DOCK8: variants seen among roughly 807,000 people sequenced by gnomAD.
DOCK8 encodes the protein dedicator of cytokinesis 8.
A neutral mutation model predicts 245.6 loss-of-function variants in DOCK8; 141 were observed. The observed-to-expected ratio is 0.57, with a 90% CI of 0.50 to 0.66. The LOEUF (loss-of-function observed/expected upper bound fraction) is 0.66, where lower values mean the gene tolerates loss of function less well. DOCK8 is among the 30% of genes least tolerant of loss of function. The pLI is 0.00. For synonymous variants in DOCK8, 1,168 were observed against 970.2 expected (o/e 1.20, Z -3.79); for missense variants, 2,965 against 2,603.4 (o/e 1.14, Z -3.02).
At chr9:403,870 C>CTGTCTCTG (rs1194881141) in intron 26 of DOCK8, among the ~76,000 whole-genome samples, 1 of 86,612 alleles carries the variant, frequency 1.2e-5, no homozygotes, top group African/African-American at 7.6e-5. Flanking sequence ...CTCTCTCTCT[C>CTGTCTCTG]TCTCTCTCTC....
intron 1 of DOCK8, among the ~76,000 whole-genome samples, chr9:229,005 A>G (rs978819770): frequency 1.3e-5 from 2 of 152,200 alleles, no homozygotes; most frequent in African/African-American, 4.8e-5. Context: ...TAAAGGGAAC[A>G]TTCTAAGAGA....
At chr9:281,568 C>T (rs530266972) in intron 2 of DOCK8, among the ~76,000 whole-genome samples, 14 of 152,174 alleles carry the variant, frequency 9.2e-5, no homozygotes, top group African/African-American at 3.1e-4. Flanking sequence ...AAATGCAATG[C>T]CACTGTAACT....
At chr9:456,583 AGCAGAAACAGCCATAAAGAATCCTG>A (rs1234635726) in intron 46 of DOCK8, 3 of 152,226 alleles carry the variant, frequency 2.0e-5, no homozygotes, top group African/African-American at 7.2e-5. Flanking sequence ...CTGTAGTGGA[AGCAGAAACAGCCATAAAGAATCCTG>A]GCAGCCTGAT....
intron 7 of DOCK8, among the ~76,000 whole-genome samples, chr9:323,220 T>C (rs2050600900): frequency 8.8e-3 from 5 of 570 alleles, no homozygotes; most frequent in Admixed American, 0.029. Flanking sequence ...TCTACCATCT[T>C]TTTTTTTTTT....
In DOCK8 at chr9:406,991, C is replaced by G. The variant is rs2055456886; in HGVS notation, c.3452C>G (p.Ser1151Cys). The G allele has an allele frequency of 1.9e-6, 3 of 1,614,170 alleles. No homozygotes were observed. Among genetic ancestry groups the G allele is most frequent in the Non-Finnish European group, 1.7e-6 (2 of 1,180,048 alleles). ...QKIASMFDLT[S>C]EYRQQHFLTG... Reference sequence around the variant, plus strand: ...ATCGCCAGCATGTTCGATCTGACTTCCGAGTACCGCCAGCAGCACTTCCTC... The same window carrying G: ...ATCGCCAGCATGTTCGATCTGACTTGCGAGTACCGCCAGCAGCACTTCCTC... Residue 1151 changes from serine (S) to cysteine (C), a missense_variant, in exon 28 of 48, where the codon TCC becomes TGC. Coordinates refer to ENST00000432829, the MANE Select transcript of DOCK8 (RefSeq NM_203447.4).
rs1309140725 is a variant in DOCK8, at chr9:403,890, CTCTATATA to C, written c.3235-1026_3235-1019del. ...TCTCTCTCTCTCTCTCTCTCTCTCTCTCTATATATATATATATATATATATACATATAT... is the reference window on the plus strand; with the variant it reads ...TCTCTCTCTCTCTCTCTCTCTCTCTCTATATATATATATATATACATATAT... On this transcript the variant is annotated intron_variant, in intron 26 of 47. Coordinates refer to ENST00000432829, the MANE Select transcript of DOCK8 (RefSeq NM_203447.4). Among the ~76,000 whole-genome samples, 30 of 80,192 alleles carry C rather than the reference CTCTATATA, an allele frequency of 3.7e-4. No individual in the cohort carries two copies. The East Asian group carries it at 6.9e-3, about 18-fold the overall frequency. 52.6% of individuals were successfully genotyped at this position (80,192 alleles called of 152,430 possible). A position where few individuals can be genotyped will look rare whatever the true frequency, so the allele number is the denominator to read the frequency against.
intron 9 of DOCK8, among the ~76,000 whole-genome samples, chr9:328,941 C>CTTTTTTTTTTTTTTTTTTTTT (rs1165346763): frequency 1.4e-5 from 1 of 71,348 alleles, no homozygotes; most frequent in African/African-American, 5.7e-5. Flanking sequence ...CTTATTGATT[C>CTTTTTTTTTTTTTTTTTTTTT]TTTTTTTTTT....
intron 2 of DOCK8, among the ~76,000 whole-genome samples, chr9:282,902 T>C (rs954365435): frequency 3.9e-5 from 6 of 152,214 alleles, no homozygotes; most frequent in Middle Eastern, 3.2e-3. Context: ...CCTTGAGTAA[T>C]TGATATTCTT....
intron 10 of DOCK8, among the ~76,000 whole-genome samples, chr9:333,411 C>A (rs867991906): frequency 6.6e-6 from 1 of 152,138 alleles, no homozygotes; most frequent in African/African-American, 2.4e-5. Context: ...ACCATCCTGG[C>A]CAACACGGTG....
At chr9:429,029 A>G (rs111631643) in intron 35 of DOCK8, among the ~76,000 whole-genome samples, 2,598 of 152,252 alleles carry the variant, frequency 0.017, 43 homozygotes, top group Non-Finnish European at 0.024. Flanking sequence ...GTGCAGTGGT[A>G]CCATCTCAGC....
chr9:289,283 A>G (rs1228577055), intron 3 of DOCK8, among the ~76,000 whole-genome samples: 2 of 152,202 alleles, frequency 1.3e-5, no homozygotes, highest in East Asian at 1.9e-4. Context: ...TCTGTATAAT[A>G]AAGAAAACCC....
Position 426,835 on chromosome 9 carries a change from C to A in DOCK8, c.4242-50C>A, listed in dbSNP as rs752544833. 3 of 1,495,738 alleles carry A rather than the reference C, an allele frequency of 2.0e-6. No homozygotes were observed. In the South Asian group the frequency reaches 3.4e-5, roughly 17 times the overall value. The allele number at this position is 1,495,738 out of a possible 1,614,324, so 92.7% of individuals were successfully genotyped here. A position where few individuals can be genotyped will look rare whatever the true frequency, so the allele number is the denominator to read the frequency against. On this transcript the variant is annotated intron_variant, in intron 33 of 47. Transcript: ENST00000432829. Reference sequence around the variant, plus strand: ...GGTGTATAGATTGCCATCATGGGAACCTGGCCAGGTTTGACATGCGCTTTA... The same window carrying A: ...GGTGTATAGATTGCCATCATGGGAAACTGGCCAGGTTTGACATGCGCTTTA...
Position 286,608 on chromosome 9 carries a change from A to G in DOCK8, c.304A>G (p.Thr102Ala), listed in dbSNP as rs1335866481. The change falls in exon 3 of 48, where the codon ACT (threonine) becomes GCT (alanine). Residue 102 changes from threonine to alanine, a missense_variant. Physicochemically the swap from Thr to Ala is moderately conservative, Grantham distance 58. This residue lies in a region of DOCK8 where 2,825 missense variants were observed against 2,453.5 expected (regional missense o/e 1.15). Coordinates refer to ENST00000432829, the MANE Select transcript of DOCK8 (RefSeq NM_203447.4). ...GGTGTTCACGCCAAAGGAATGTAGG[A>G]CTTTGCAGCCCTCTTTGCCGGAGGA... ...DVVFTPKECR[T>A]LQPSLPEEGV... 6.2e-7 allele frequency: 1 copy of G among 1,613,976 alleles called. No homozygotes were observed. The highest frequency in any genetic ancestry group is 1.1e-5 in the South Asian group (1 of 91,084).
chr9:326,982 T>G (rs1346508193), intron 8 of DOCK8, among the ~76,000 whole-genome samples: 5 of 152,194 alleles, frequency 3.3e-5, no homozygotes, highest in African/African-American at 1.2e-4. Flanking sequence ...AATACGACAC[T>G]AAGAGAGCCA....
intron 2 of DOCK8, among the ~76,000 whole-genome samples, chr9:279,358 T>C (rs1000372503): frequency 1.3e-5 from 2 of 152,226 alleles, no homozygotes; most frequent in Non-Finnish European, 2.9e-5. Context: ...GCTGCAGATA[T>C]AAACTTGTAA....
chr9:407,405 G>A (rs1390291064), intron 28 of DOCK8, among the ~76,000 whole-genome samples: 10 of 152,200 alleles, frequency 6.6e-5, no homozygotes, highest in African/African-American at 2.4e-4. Context: ...TTTAACAAAG[G>A]GGATAGCATG....
At chr9:236,648 A>G (rs1430902301) in intron 1 of DOCK8, among the ~76,000 whole-genome samples, 1 of 152,222 alleles carries the variant, frequency 6.6e-6, no homozygotes. Context: ...TAGGTCCAGT[A>G]TTAATCAAGG....
intron 5 of DOCK8, among the ~76,000 whole-genome samples, chr9:305,174 T>G (rs1018605952): frequency 2.0e-5 from 3 of 152,244 alleles, no homozygotes; most frequent in Non-Finnish European, 2.9e-5. Flanking sequence ...ACTCATGAGG[T>G]TATTTGAGTA....
At chr9:290,945 AT>A (rs1185902559) in intron 4 of DOCK8, among the ~76,000 whole-genome samples, 22 of 152,240 alleles carry the variant, frequency 1.4e-4, no homozygotes, top group Admixed American at 1.4e-3. Flanking sequence ...AAGAGAAAGC[AT>A]TCATTATTAA....
Sources: allele counts gnomAD v4.1 joint callset (sites outside exome capture counted in the v4.1 genomes callset), GRCh38; gene constraint gnomAD v4.1.1; regional missense constraint gnomAD v4.1.1; transcripts MANE v1.5; gene names NCBI Gene and HGNC (gene_info 2026-07-23, HGNC 2026-07-21).